EYS: variants seen among roughly 807,000 people sequenced by gnomAD.
EYS encodes protein eyes shut homolog.
Under a neutral mutation model 282.1 loss-of-function variants are expected in EYS, and 250 were observed. The observed-to-expected ratio is 0.89, with a 90% CI of 0.80 to 0.98. The LOEUF (loss-of-function observed/expected upper bound fraction) is 0.98. EYS is among the 50% of genes least tolerant of loss of function. The pLI is 0.00. For synonymous variants in EYS, 1,355 were observed against 1,282.9 expected, an observed-to-expected ratio of 1.06 and a Z score of -1.20; for missense variants, 4,016 against 3,709.0, an observed-to-expected ratio of 1.08 and a Z score of -2.15.
chr6:64,130,670 G>A (rs915135701), intron 31 of EYS, among the ~76,000 whole-genome samples: 9 of 151,918 alleles, frequency 5.9e-5, no homozygotes, highest in South Asian at 2.1e-4. Flanking sequence ...GATGCCTTCC[G>A]AACAAAGAGG....
chr6:64,651,228 T>C (rs184520327), intron 22 of EYS, among the ~76,000 whole-genome samples: 17 of 152,322 alleles, frequency 1.1e-4, no homozygotes, highest in African/African-American at 3.6e-4. Flanking sequence ...TAATTGTAAT[T>C]ACTCTGGAAA....
At chr6:65,207,984 G>A (rs1377660943) in intron 12 of EYS, among the ~76,000 whole-genome samples, 1 of 151,538 alleles carries the variant, frequency 6.6e-6, no homozygotes, top group East Asian at 1.9e-4. Context: ...TACCCTAAAA[G>A]CAAATGCAAC....
intron 39 of EYS, among the ~76,000 whole-genome samples, chr6:63,782,906 C>G (rs527928824): frequency 2.8e-4 from 41 of 149,036 alleles, no homozygotes; most frequent in African/African-American, 9.8e-4. Flanking sequence ...ATTTGACTGA[C>G]TAGGTACCAA....
chr6:64,527,982 T>G (rs908217441), intron 26 of EYS, among the ~76,000 whole-genome samples: 14 of 151,756 alleles, frequency 9.2e-5, no homozygotes, highest in African/African-American at 3.1e-4. Context: ...CAAGACAGAC[T>G]TCTATATATA....
intron 29 of EYS, among the ~76,000 whole-genome samples, chr6:64,340,918 C>T (rs1198609007): frequency 6.6e-6 from 1 of 151,884 alleles, no homozygotes; most frequent in Non-Finnish European, 1.5e-5. Flanking sequence ...CATAAACAGA[C>T]ACTTCTCAAA....
At chr6:64,450,869 G>T (rs186656543) in intron 26 of EYS, among the ~76,000 whole-genome samples, 19 of 152,236 alleles carry the variant, frequency 1.2e-4, no homozygotes, top group African/African-American at 4.3e-4. Context: ...TGTATAGAGG[G>T]AAATTTATAG....
At chr6:64,123,280 A>G (rs1221557892) in intron 31 of EYS, among the ~76,000 whole-genome samples, 1 of 152,198 alleles carries the variant, frequency 6.6e-6, no homozygotes, top group African/African-American at 2.4e-5. Context: ...ACAAGGCCTC[A>G]TATAGTTACT....
chr6:64,677,156 T>C (rs1054994929), intron 22 of EYS, among the ~76,000 whole-genome samples: 2 of 152,156 alleles, frequency 1.3e-5, no homozygotes, highest in African/African-American at 4.8e-5. Context: ...AAATATTGAG[T>C]ATTAGCTATT....
chr6:65,229,570 A>G (rs1766716118), intron 12 of EYS, among the ~76,000 whole-genome samples: 1 of 151,940 alleles, frequency 6.6e-6, no homozygotes, highest in Admixed American at 6.6e-5. Flanking sequence ...TTAGACAGAA[A>G]GAAGGTTCTC....
intron 5 of EYS, among the ~76,000 whole-genome samples, chr6:65,481,499 C>A (rs1218173215): frequency 2.0e-5 from 3 of 152,052 alleles, no homozygotes; most frequent in Non-Finnish European, 4.4e-5. Flanking sequence ...TATACACTAC[C>A]TTGTTGGCAG....
At position 64,912,876 on chromosome 6, in the gene EYS, A is replaced by G. The variant is rs74484316; in HGVS notation, c.2382-133T>C. 27,523 of 479,382 alleles carry G rather than the reference A, an allele frequency of 0.057. 922 individuals carry two copies. The highest frequency in any genetic ancestry group is 0.083 in the East Asian group (2,472 of 29,748). 29.7% of individuals were successfully genotyped at this position (479,382 alleles called of 1,614,324 possible). ...ATAACAGGACTAATAAATAATACAT[A>G]GTTTTAAAATATTGTTTGCCTAATT... On this transcript the variant is annotated intron_variant, in intron 15 of 42. Transcript: ENST00000503581.
At chr6:64,885,245 C>G (rs752265282) in intron 19 of EYS, among the ~76,000 whole-genome samples, 4 of 151,556 alleles carry the variant, frequency 2.6e-5, no homozygotes, top group Non-Finnish European at 5.9e-5. Flanking sequence ...ATTAAAACAT[C>G]TTAAATCATG....
intron 22 of EYS, among the ~76,000 whole-genome samples, chr6:64,646,448 C>A (rs549946733): frequency 2.0e-5 from 3 of 152,184 alleles, no homozygotes; most frequent in Non-Finnish European, 4.4e-5. Flanking sequence ...CAAATATTCT[C>A]ATATTATAAG....
intron 15 of EYS, among the ~76,000 whole-genome samples, chr6:64,940,305 G>A (rs1054123767): frequency 6.6e-6 from 1 of 151,884 alleles, no homozygotes; most frequent in Non-Finnish European, 1.5e-5. Flanking sequence ...TGTTTGTCTG[G>A]TGACTGCCAA....
At chr6:64,851,391 G>C (rs1765881100) in intron 19 of EYS, among the ~76,000 whole-genome samples, 1 of 151,978 alleles carries the variant, frequency 6.6e-6, no homozygotes, top group African/African-American at 2.4e-5. Context: ...TTATGTTCTA[G>C]AGTCAAAGAT....
At chr6:64,005,558 A>G (rs532720014) in intron 33 of EYS, among the ~76,000 whole-genome samples, 5 of 152,276 alleles carry the variant, frequency 3.3e-5, no homozygotes, top group African/African-American at 1.2e-4. Context: ...CTATATTTAG[A>G]ATGGTATTTC....
intron 28 of EYS, among the ~76,000 whole-genome samples, chr6:64,408,867 G>A (rs1264779337): frequency 2.0e-5 from 3 of 152,064 alleles, no homozygotes; most frequent in African/African-American, 7.2e-5. Context: ...ATGTTGCTGG[G>A]GTTTGGTGTA....
intron 22 of EYS, among the ~76,000 whole-genome samples, chr6:64,681,754 C>A (rs1245506848): frequency 2.0e-5 from 3 of 152,162 alleles, no homozygotes; most frequent in Non-Finnish European, 4.4e-5. Context: ...AAGGTGATCA[C>A]CGGCTCAGTC....
intron 12 of EYS, among the ~76,000 whole-genome samples, chr6:65,217,214 C>G (rs1355586044): frequency 6.6e-6 from 1 of 151,992 alleles, no homozygotes; most frequent in Non-Finnish European, 1.5e-5. Context: ...AGCTGGAATC[C>G]AAACTCAATG....
Sources: gnomAD v4.1 joint callset for allele counts (sites outside exome capture counted in the v4.1 genomes callset) on GRCh38, gnomAD v4.1.1 for gene constraint, MANE v1.5 for transcripts, NCBI Gene and HGNC (gene_info 2026-07-23, HGNC 2026-07-21) for gene names.